Variants in TNKS2 observed in about 807,000 individuals in gnomAD.
The protein encoded by TNKS2 is poly [ADP-ribose] polymerase tankyrase-2.
Under a neutral mutation model 137.6 loss-of-function variants are expected in TNKS2, and 72 were observed. The ratio of observed to expected loss-of-function variants is 0.52; its 90% CI spans 0.43 to 0.64. The LOEUF (loss-of-function observed/expected upper bound fraction) is 0.64. Among genes scored for constraint, TNKS2 ranks in the 30% least tolerant of loss-of-function variants. The pLI is 0.00. For synonymous variants in TNKS2, 516 were observed against 512.1 expected (o/e 1.01, Z -0.10); for missense variants, 1,049 against 1,410.2 (o/e 0.74, Z 4.10).
intron 21 of TNKS2, among the ~76,000 whole-genome samples, chr10:91,851,582 G>C (rs1589690916): frequency 6.6e-6 from 1 of 152,254 alleles, no homozygotes; most frequent in Admixed American, 6.5e-5. Flanking sequence ...AATTGTTTTA[G>C]CTCCTGAAAA....
In TNKS2 at chr10:91,840,597, A is replaced by C. The variant is rs201349109; in HGVS notation, c.1564A>C (p.Ile522Leu). ...CTVQSVNCRD[I>L]EGRQSTPLHF... Reference sequence around the variant, plus strand: ...TGTTCAGAGTGTCAACTGCAGAGACATTGAAGGGCGTCAGTCTACACCACT... The same window carrying C: ...TGTTCAGAGTGTCAACTGCAGAGACCTTGAAGGGCGTCAGTCTACACCACT... The change falls in exon 14 of 27, where the codon ATT becomes CTT. Residue 522 changes from isoleucine (I) to leucine (L), a missense_variant. Ile to Leu is a conservative substitution (Grantham distance 5). Around this residue, in one of 6 missense-constraint regions of TNKS2, gnomAD observed 328 missense variants for 436.0 expected, o/e 0.75. Coordinates refer to ENST00000371627, the MANE Select transcript of TNKS2 (RefSeq NM_025235.4). The C allele has an allele frequency of 7.0e-5, 113 of 1,613,958 alleles. No homozygotes were observed. Among genetic ancestry groups the C allele is most frequent in the Non-Finnish European group, 9.6e-5 (113 of 1,179,968 alleles).
At chr10:91,813,233 T>C (rs1259408845) in intron 2 of TNKS2, 26 bp downstream of exon 2, 2 of 1,576,480 alleles carry the variant, frequency 1.3e-6, no homozygotes, top group South Asian at 1.1e-5. Flanking sequence ...TTTCCGACTT[T>C]TACTAATGTT....
intron 1 of TNKS2, among the ~76,000 whole-genome samples, chr10:91,809,744 C>A (rs1420584407): frequency 6.6e-6 from 1 of 151,988 alleles, no homozygotes; most frequent in Non-Finnish European, 1.5e-5. Flanking sequence ...CCTTAAGGAC[C>A]TATCTACTGC....
chr10:91,822,687 T>TC (rs1402015991), intron 7 of TNKS2, among the ~76,000 whole-genome samples: 4 of 151,284 alleles, frequency 2.6e-5, no homozygotes, highest in Non-Finnish European at 5.9e-5. Context: ...TGCCACAGCC[T>TC]CCTGAGTAGA....
intron 3 of TNKS2, 69 bp downstream of exon 3, chr10:91,817,298 C>G: frequency 9.6e-7 from 1 of 1,044,882 alleles, no homozygotes. Flanking sequence ...GGAAATTTGC[C>G]TCCTATGATT....
At chr10:91,822,503 A>AT in intron 7 of TNKS2, 141 bp downstream of exon 7, 2 of 628,220 alleles carry the variant, frequency 3.2e-6, no homozygotes, top group Non-Finnish European at 5.5e-6. Flanking sequence ...ATTATAAAAT[A>AT]TAGGTGACTG....
At chr10:91,824,546 A>G (rs1166526322) in intron 7 of TNKS2, among the ~76,000 whole-genome samples, 3 of 152,182 alleles carry the variant, frequency 2.0e-5, no homozygotes, top group African/African-American at 7.2e-5. Context: ...CACTGTGCAG[A>G]GTGTTGACTG....
chr10:91,815,838 C>G (rs1221476023), intron 2 of TNKS2, among the ~76,000 whole-genome samples: 1 of 151,902 alleles, frequency 6.6e-6, no homozygotes, highest in Non-Finnish European at 1.5e-5. Context: ...AGCTTCCTTT[C>G]TGCACATATT....
intron 12 of TNKS2, chr10:91,836,717 A>G: frequency 5.1e-6 from 5 of 985,294 alleles, no homozygotes; most frequent in Non-Finnish European, 4.8e-6. Context: ...TATTTTGCTT[A>G]TATGTGTTGT....
Position 91,819,318 on chromosome 10 carries a change from T to C in TNKS2, c.557+12T>C. 6.8e-7 allele frequency: 1 copy of C among 1,479,154 alleles called. No individual in the cohort carries two copies. The highest frequency in any genetic ancestry group is 1.4e-5 in the South Asian group (1 of 71,348). 91.6% of individuals were successfully genotyped at this position (1,479,154 alleles called of 1,614,324 possible). A position where few individuals can be genotyped will look rare whatever the true frequency, so the allele number is the denominator to read the frequency against. On this transcript the variant is annotated intron_variant, in intron 4 of 26. Transcript: ENST00000371627. ...TTAGAAAGTGCCAGGTACGTACTAA[T>C]GTTATAAATATGTGACAGGAATACT... is the stretch of plus-strand genomic sequence containing the variant.
At chr10:91,852,207 G>A (rs902915738) in intron 21 of TNKS2, among the ~76,000 whole-genome samples, 8 of 151,402 alleles carry the variant, frequency 5.3e-5, no homozygotes, top group African/African-American at 1.5e-4. Flanking sequence ...CAGCCTGGGC[G>A]ACAGAGCGAG....
At chr10:91,848,951 C>G (rs1394880440) in intron 19 of TNKS2, among the ~76,000 whole-genome samples, 1 of 152,198 alleles carries the variant, frequency 6.6e-6, no homozygotes, top group Non-Finnish European at 1.5e-5. Flanking sequence ...ATGCTCCTGC[C>G]TCAGCCTCCC....
intron 18 of TNKS2, among the ~76,000 whole-genome samples, chr10:91,846,811 G>A (rs1211102078): frequency 6.6e-6 from 1 of 151,530 alleles, no homozygotes; most frequent in Non-Finnish European, 1.5e-5. Flanking sequence ...CTAGTTCCAA[G>A]TTACCTTAAA....
chr10:91,801,320 GT>G (rs1199562629), intron 1 of TNKS2, among the ~76,000 whole-genome samples: 2 of 152,144 alleles, frequency 1.3e-5, no homozygotes, highest in South Asian at 2.1e-4. Flanking sequence ...TCTACTAGGT[GT>G]TTTTTTATTA....
chr10:91,816,152 G>A (rs1470153911), intron 2 of TNKS2, among the ~76,000 whole-genome samples: 2 of 151,940 alleles, frequency 1.3e-5, no homozygotes, highest in Admixed American at 6.6e-5. Context: ...GTTTCACCAT[G>A]TTAGCCAGGA....
chr10:91,831,957 T>C (rs1049361753), intron 11 of TNKS2, among the ~76,000 whole-genome samples: 2 of 152,150 alleles, frequency 1.3e-5, no homozygotes, highest in African/African-American at 4.8e-5. Context: ...GAATAGACGC[T>C]CTTCTCCTTG....
At chr10:91,820,859 G>A (rs1844864873) in intron 6 of TNKS2, among the ~76,000 whole-genome samples, 2 of 152,146 alleles carry the variant, frequency 1.3e-5, no homozygotes, top group Admixed American at 6.5e-5. Context: ...GTAAGAATGG[G>A]TAAGATTTGT....
intron 1 of TNKS2, 55 bp downstream of exon 1, chr10:91,798,944 G>T (rs1001868156): frequency 3.0e-6 from 4 of 1,313,606 alleles, no homozygotes; most frequent in Non-Finnish European, 2.9e-6. Flanking sequence ...GCGCAGCCGG[G>T]GCCCACAGGT....
intron 11 of TNKS2, among the ~76,000 whole-genome samples, chr10:91,832,656 G>C (rs941976615): frequency 3.9e-5 from 6 of 152,008 alleles, no homozygotes; most frequent in African/African-American, 1.4e-4. Context: ...CATATTATCC[G>C]ATTCCATGAA....
Sources: allele counts gnomAD v4.1 joint callset (sites outside exome capture counted in the v4.1 genomes callset), GRCh38; gene constraint gnomAD v4.1.1; regional missense constraint gnomAD v4.1.1; transcripts MANE v1.5; gene names NCBI Gene and HGNC (gene_info 2026-07-23, HGNC 2026-07-21).